Variants in ATXN1 observed in about 807,000 individuals in gnomAD.
The protein encoded by ATXN1 is ataxin 1, also known as ataxin-1.
Under a neutral mutation model 56.4 loss-of-function variants are expected in ATXN1, and 8 were observed. The observed-to-expected ratio is 0.14, with a 90% CI of 0.08 to 0.26. The LOEUF (loss-of-function observed/expected upper bound fraction) is 0.26. Among genes scored for constraint, ATXN1 ranks in the 10% least tolerant of loss-of-function variants. The probability of loss-of-function intolerance (pLI) is 1.00; values close to 1 mark genes in which losing one functional copy is unlikely to be tolerated. For missense variants in ATXN1, 987 were observed against 1,106.5 expected (o/e 0.89, Z 1.53); for synonymous variants, 514 against 494.6 (o/e 1.04, Z -0.52).
intron 4 of ATXN1, among the ~76,000 whole-genome samples, chr6:16,553,948 G>A (rs546508067): frequency 3.9e-5 from 6 of 152,228 alleles, no homozygotes; most frequent in Admixed American, 2.0e-4. Flanking sequence ...AAGCATTTAG[G>A]GGTGGGAACA....
chr6:16,744,321 G>A (rs1407343476), intron 2 of ATXN1, among the ~76,000 whole-genome samples: 2 of 152,132 alleles, frequency 1.3e-5, no homozygotes, highest in Admixed American at 6.5e-5. Flanking sequence ...GAAAACCAGC[G>A]CCAAGGAGCC....
intron 6 of ATXN1, among the ~76,000 whole-genome samples, chr6:16,337,957 C>A (rs547466585): frequency 4.6e-5 from 7 of 152,232 alleles, no homozygotes; most frequent in Non-Finnish European, 7.3e-5. Flanking sequence ...ATGTTTCTTA[C>A]CACCACTGTG....
In ATXN1 at chr6:16,299,930, GAA is replaced by G. The variant is rs1409753224; in HGVS notation, c.*6397_*6398del. The G allele has an allele frequency of 6.6e-6, 1 of 152,658 alleles. No homozygotes were observed. The highest frequency in any genetic ancestry group is 1.5e-5 in the Non-Finnish European group (1 of 68,044). 9.5% of individuals were successfully genotyped at this position (152,658 alleles called of 1,614,324 possible). A position where few individuals can be genotyped will look rare whatever the true frequency, so the allele number is the denominator to read the frequency against. ...TACCCCACTCCTGGGCCAGAAAACT[GAA>G]AGAGTAGGTGGTTCCTGTAAGAACC... is the stretch of plus-strand genomic sequence containing the variant. On this transcript the variant is annotated 3_prime_UTR_variant, in exon 8 of 8. Transcript: ENST00000436367.
intron 5 of ATXN1, among the ~76,000 whole-genome samples, chr6:16,504,304 G>GC (rs1180047659): frequency 6.6e-6 from 1 of 152,164 alleles, no homozygotes; most frequent in Non-Finnish European, 1.5e-5. Flanking sequence ...CAGAAAGCAT[G>GC]CCTTGTAAAG....
chr6:16,382,945 G>A (rs1404921159), intron 6 of ATXN1, among the ~76,000 whole-genome samples: 1 of 152,064 alleles, frequency 6.6e-6, no homozygotes, highest in Non-Finnish European at 1.5e-5. Flanking sequence ...TAGGGAGCAT[G>A]GCACCATGCT....
At chr6:16,404,929 T>C (rs1758655643) in intron 6 of ATXN1, among the ~76,000 whole-genome samples, 1 of 152,172 alleles carries the variant, frequency 6.6e-6, no homozygotes, top group South Asian at 2.1e-4. Flanking sequence ...ACTTTCTTCC[T>C]TCATTCAGCA....
chr6:16,757,536 AC>A (rs1470648804), intron 1 of ATXN1, among the ~76,000 whole-genome samples: 1 of 152,220 alleles, frequency 6.6e-6, no homozygotes, highest in East Asian at 1.9e-4. Flanking sequence ...TGACCAGGCC[AC>A]AATGAATTTA....
intron 6 of ATXN1, among the ~76,000 whole-genome samples, chr6:16,359,978 G>A (rs1343645965): frequency 6.6e-6 from 1 of 151,994 alleles, no homozygotes; most frequent in Non-Finnish European, 1.5e-5. Context: ...ATAGTGCTCG[G>A]GTGATGGCTG....
chr6:16,561,808 C>T (rs187884633), intron 4 of ATXN1, among the ~76,000 whole-genome samples: 8 of 152,076 alleles, frequency 5.3e-5, no homozygotes, highest in Admixed American at 2.0e-4. Context: ...AAGCAGAAAA[C>T]CAAGGGAGCT....
At chr6:16,537,795 G>A (rs1428320231) in intron 4 of ATXN1, among the ~76,000 whole-genome samples, 4 of 151,488 alleles carry the variant, frequency 2.6e-5, no homozygotes, top group South Asian at 2.1e-4. Flanking sequence ...AACAGACTTC[G>A]ATTTGGAAGC....
chr6:16,688,302 A>C (rs772128442), intron 2 of ATXN1, among the ~76,000 whole-genome samples: 4 of 152,238 alleles, frequency 2.6e-5, no homozygotes, highest in Non-Finnish European at 5.9e-5. Flanking sequence ...TCCCATGCTT[A>C]TGAATTGAGA....
At chr6:16,333,522 A>G (rs1267541079) in intron 6 of ATXN1, among the ~76,000 whole-genome samples, 2 of 152,214 alleles carry the variant, frequency 1.3e-5, no homozygotes, top group Non-Finnish European at 2.9e-5. Flanking sequence ...ACTCCTAAAA[A>G]TACATCTTAA....
intron 2 of ATXN1, among the ~76,000 whole-genome samples, chr6:16,722,496 C>A (rs1759764648): frequency 6.6e-6 from 1 of 152,154 alleles, no homozygotes; most frequent in Non-Finnish European, 1.5e-5. Context: ...AAAAAAGTAT[C>A]TCCCCCCACC....
intron 2 of ATXN1, among the ~76,000 whole-genome samples, chr6:16,667,945 C>T (rs565622898): frequency 6.6e-4 from 100 of 152,324 alleles, no homozygotes; most frequent in African/African-American, 2.2e-3. Context: ...CCCCAAAGTG[C>T]CTCGGGCCAG....
chr6:16,753,819 C>T (rs1394112921), intron 1 of ATXN1, among the ~76,000 whole-genome samples: 20 of 152,038 alleles, frequency 1.3e-4, no homozygotes, highest in Non-Finnish European at 1.5e-5. Flanking sequence ...CATACCAGTC[C>T]AATGGAATAG....
At chr6:16,723,942 G>A (rs964943100) in intron 2 of ATXN1, among the ~76,000 whole-genome samples, 1 of 152,132 alleles carries the variant, frequency 6.6e-6, no homozygotes, top group African/African-American at 2.4e-5. Context: ...ACTAAAGCAT[G>A]TTGATTCTTA....
intron 6 of ATXN1, among the ~76,000 whole-genome samples, chr6:16,407,698 T>G (rs1210122650): frequency 6.6e-6 from 1 of 152,200 alleles, no homozygotes; most frequent in East Asian, 1.9e-4. Flanking sequence ...CTTTTCATCA[T>G]TAGACTATGT....
At chr6:16,606,292 A>G (rs926480678) in intron 3 of ATXN1, among the ~76,000 whole-genome samples, 11 of 152,188 alleles carry the variant, frequency 7.2e-5, no homozygotes, top group African/African-American at 2.7e-4. Context: ...GTCTCCTTAC[A>G]TAGTGCTGCT....
At chr6:16,730,888 TG>T (rs1228268648) in intron 2 of ATXN1, among the ~76,000 whole-genome samples, 1 of 152,186 alleles carries the variant, frequency 6.6e-6, no homozygotes, top group African/African-American at 2.4e-5. Flanking sequence ...GTGTTCTGGG[TG>T]CCGGGCCATG....
Sources: allele counts gnomAD v4.1 joint callset (sites outside exome capture counted in the v4.1 genomes callset), GRCh38; gene constraint gnomAD v4.1.1; transcripts MANE v1.5; gene names NCBI Gene and HGNC (gene_info 2026-07-23, HGNC 2026-07-21).